DLC1: variants seen among roughly 807,000 people sequenced by gnomAD.
The protein encoded by DLC1 is DLC1 Rho GTPase activating protein, also known as rho GTPase-activating protein 7.
DLC1 carries 54 observed loss-of-function variants against 140.3 expected under a neutral mutation model. The observed-to-expected ratio is 0.38, with a 90% CI of 0.31 to 0.48. The LOEUF (loss-of-function observed/expected upper bound fraction) is 0.48. Ranked by LOEUF, DLC1 falls within the 20% of genes least tolerant of loss-of-function variation. DLC1 has a pLI of 0.96. For synonymous variants in DLC1, 986 were observed against 728.1 expected (o/e 1.35, Z -5.70); for missense variants, 2,536 against 1,907.0 (o/e 1.33, Z -6.14).
chr8:13,299,563 C>T (rs1367777774), intron 5 of DLC1, among the ~76,000 whole-genome samples: 2 of 149,508 alleles, frequency 1.3e-5, no homozygotes, highest in Non-Finnish European at 3.0e-5. Flanking sequence ...CAGTTGCATG[C>T]CACAGACCTA....
Position 13,245,511 on chromosome 8 carries a change from C to G in DLC1, c.1348+59758G>C, listed in dbSNP as rs116771282. Among the ~76,000 whole-genome samples the G allele has an allele frequency of 6.7e-3, 1,021 of 152,250 alleles. 16 individuals carry two copies. The highest frequency in any genetic ancestry group is 0.024 in the African/African-American group (979 of 41,538). On this transcript the variant is annotated intron_variant, in intron 5 of 17. Coordinates refer to ENST00000276297, the MANE Select transcript of DLC1 (RefSeq NM_182643.3). ...TCTGCTCATTAACCCTTTATTGGCT[C>G]TTCCTCTCACCCTCTCATTCTTCCT... is the stretch of plus-strand genomic sequence containing the variant.
intron 2 of DLC1, among the ~76,000 whole-genome samples, chr8:13,476,880 A>C (rs915069930): frequency 6.6e-6 from 1 of 152,230 alleles, no homozygotes; most frequent in African/African-American, 2.4e-5. Flanking sequence ...AAATCAAAGA[A>C]GATGATTAAA....
chr8:13,248,246 C>T (rs1585999572), intron 5 of DLC1, among the ~76,000 whole-genome samples: 1 of 152,226 alleles, frequency 6.6e-6, no homozygotes, highest in East Asian at 1.9e-4. Flanking sequence ...ATAACACACT[C>T]TCTTATATCC....
intron 2 of DLC1, among the ~76,000 whole-genome samples, chr8:13,421,588 A>T (rs1838322478): frequency 6.6e-6 from 1 of 152,222 alleles, no homozygotes; most frequent in South Asian, 2.1e-4. Flanking sequence ...ATGTGTTGGC[A>T]GTAGACTGGT....
chr8:13,495,096 A>C (rs1413776276), intron 2 of DLC1, among the ~76,000 whole-genome samples: 3 of 152,130 alleles, frequency 2.0e-5, no homozygotes, highest in Non-Finnish European at 4.4e-5. Context: ...TCTTTTTTGG[A>C]GTTTATTTTG....
At chr8:13,540,029 C>T (rs1563428856) in intron 1 of DLC1, among the ~76,000 whole-genome samples, 1 of 152,100 alleles carries the variant, frequency 6.6e-6, no homozygotes, top group Non-Finnish European at 1.5e-5. Context: ...ATGTGTGCAG[C>T]ACAAAACAGA....
intron 1 of DLC1, among the ~76,000 whole-genome samples, chr8:13,551,403 C>T (rs1803845161): frequency 6.6e-6 from 1 of 151,890 alleles, no homozygotes; most frequent in African/African-American, 2.4e-5. Context: ...TATGAATTTC[C>T]ATATCTCTGT....
At position 13,115,619 on chromosome 8, in the gene DLC1, T is replaced by C. The variant is rs1820486389; in HGVS notation, c.1387A>G (p.Thr463Ala). Reference protein sequence around the residue: ...AKEACDWLRATGFPQYAQLYE... With the variant: ...AKEACDWLRAAGFPQYAQLYE... ...AGCTGTGCATACTGGGGGAAACCAG[T>C]TGCCCGTAGCCAATCACAAGCTTCC... The change falls in exon 6 of 18, where the codon ACT becomes GCT. Residue 463 changes from threonine (T) to alanine (A), a missense_variant. Coordinates refer to ENST00000276297, the MANE Select transcript of DLC1 (RefSeq NM_182643.3). The C allele has an allele frequency of 2.5e-6, 4 of 1,614,048 alleles. No homozygotes were observed. The highest frequency in any genetic ancestry group is 3.4e-6 in the Non-Finnish European group (4 of 1,179,986).
At chr8:13,197,423 A>C (rs1017355599) in intron 5 of DLC1, among the ~76,000 whole-genome samples, 2 of 151,654 alleles carry the variant, frequency 1.3e-5, no homozygotes, top group Non-Finnish European at 2.9e-5. Flanking sequence ...ATCTCGGCTC[A>C]CTGCAAACTC....
At chr8:13,136,181 T>G (rs1230548863) in intron 5 of DLC1, among the ~76,000 whole-genome samples, 2 of 152,250 alleles carry the variant, frequency 1.3e-5, no homozygotes, top group South Asian at 4.1e-4. Flanking sequence ...ATATGTTATT[T>G]GTTTATGTTA....
chr8:13,113,991 A>G (rs1820328214), intron 6 of DLC1, among the ~76,000 whole-genome samples: 1 of 152,260 alleles, frequency 6.6e-6, no homozygotes, highest in Non-Finnish European at 1.5e-5. Context: ...AGTTACCCAT[A>G]AAATGGAATG....
At chr8:13,170,910 C>T (rs1339142855) in intron 5 of DLC1, among the ~76,000 whole-genome samples, 1 of 152,104 alleles carries the variant, frequency 6.6e-6, no homozygotes, top group Non-Finnish European at 1.5e-5. Flanking sequence ...AAAGGTCTAA[C>T]CTTGCATGAT....
intron 5 of DLC1, among the ~76,000 whole-genome samples, chr8:13,123,534 C>T (rs1200043128): frequency 1.4e-5 from 2 of 142,228 alleles, no homozygotes; most frequent in Non-Finnish European, 1.5e-5. Flanking sequence ...TTTAAGTAAA[C>T]ACATGGTTTC....
chr8:13,260,548 A>C (rs1469144446), intron 5 of DLC1, among the ~76,000 whole-genome samples: 3 of 152,156 alleles, frequency 2.0e-5, no homozygotes, highest in Non-Finnish European at 2.9e-5. Context: ...CATGATACCC[A>C]TCTACTGGAA....
At chr8:13,347,144 G>A (rs563611593) in intron 4 of DLC1, among the ~76,000 whole-genome samples, 10 of 152,182 alleles carry the variant, frequency 6.6e-5, no homozygotes, top group Non-Finnish European at 1.5e-4. Flanking sequence ...CACCCACTGT[G>A]GGTCACGGAA....
chr8:13,433,858 G>T (rs1325938367), intron 2 of DLC1, among the ~76,000 whole-genome samples: 1 of 152,086 alleles, frequency 6.6e-6, no homozygotes. Flanking sequence ...GTTTTGGTTT[G>T]GTTTTGTTTT....
At chr8:13,590,898 C>T (rs1001747618) in intron 1 of DLC1, among the ~76,000 whole-genome samples, 4 of 151,960 alleles carry the variant, frequency 2.6e-5, no homozygotes, top group South Asian at 2.1e-4. Context: ...TTTCTAAAAG[C>T]GATACTCTCA....
intron 4 of DLC1, among the ~76,000 whole-genome samples, chr8:13,368,885 G>T (rs1047681018): frequency 7.2e-5 from 11 of 152,144 alleles, no homozygotes; most frequent in African/African-American, 2.7e-4. Context: ...GGGCAGCGGT[G>T]TGATCTTGGC....
chr8:13,132,729 G>C (rs1390016299), intron 5 of DLC1, among the ~76,000 whole-genome samples: 1 of 152,190 alleles, frequency 6.6e-6, no homozygotes, highest in Non-Finnish European at 1.5e-5. Context: ...AGGTAATCAA[G>C]AGTCACTCCT....
Sources: allele counts gnomAD v4.1 joint callset (sites outside exome capture counted in the v4.1 genomes callset), GRCh38; gene constraint gnomAD v4.1.1; transcripts MANE v1.5; gene names NCBI Gene and HGNC (gene_info 2026-07-23, HGNC 2026-07-21).